Variants in CELF2 observed in about 807,000 individuals in gnomAD.
The protein encoded by CELF2 is CUGBP Elav-like family member 2.
A neutral mutation model predicts 62.6 loss-of-function variants in CELF2; 8 were observed. The ratio of observed to expected loss-of-function variants is 0.13; its 90% CI spans 0.07 to 0.23. The LOEUF (loss-of-function observed/expected upper bound fraction) is 0.23. Ranked by LOEUF, CELF2 falls within the 10% of genes least tolerant of loss-of-function variation. CELF2 has a pLI of 1.00. For synonymous variants in CELF2, 258 were observed against 250.0 expected, an observed-to-expected ratio of 1.03 and a Z score of -0.30; for missense variants, 333 against 671.0, an observed-to-expected ratio of 0.50 and a Z score of 5.56.
the CELF2 span, among the ~76,000 whole-genome samples, chr10:10,614,479 C>T: frequency 1.3e-5 from 2 of 152,088 alleles, no homozygotes; most frequent in Non-Finnish European, 2.9e-5. Flanking sequence ...CGGCAAATGG[C>T]TCCATTTAAA....
At chr10:10,775,018 A>AG in the CELF2 span, among the ~76,000 whole-genome samples, 1 of 152,012 alleles carries the variant, frequency 6.6e-6, no homozygotes, top group Non-Finnish European at 1.5e-5. Context: ...AGCTGGGATC[A>AG]CAGGTGTTCA....
the CELF2 span, among the ~76,000 whole-genome samples, chr10:10,559,122 A>C: frequency 2.6e-5 from 4 of 152,282 alleles, no homozygotes; most frequent in South Asian, 2.1e-4. Flanking sequence ...TACACTTTTC[A>C]TTGAGGGCAC....
At chr10:10,776,641 G>T in the CELF2 span, 1 of 167,814 alleles carries the variant, frequency 6.0e-6, no homozygotes. Context: ...TCACTTCACT[G>T]TGGGCCACCC....
At chr10:10,759,567 G>T in the CELF2 span, among the ~76,000 whole-genome samples, 8 of 151,586 alleles carry the variant, frequency 5.3e-5, no homozygotes, top group Non-Finnish European at 1.2e-4. Context: ...CCTCGGCCTC[G>T]CAAAGTGCTG....
At chr10:11,001,381 A>G (rs1251708940), upstream of CELF2, among the ~76,000 whole-genome samples, 1 of 152,242 alleles carries the variant, frequency 6.6e-6, no homozygotes, top group Non-Finnish European at 1.5e-5. Flanking sequence ...CATATTTTGT[A>G]TTAACACTTC....
At chr10:11,031,481 G>A (rs2060105171) in intron 1 of CELF2, among the ~76,000 whole-genome samples, 1 of 152,182 alleles carries the variant, frequency 6.6e-6, no homozygotes, top group Admixed American at 6.5e-5. Context: ...CCAATGTAAA[G>A]GAAGGGATAA....
At chr10:10,570,516 A>G in the CELF2 span, among the ~76,000 whole-genome samples, 6 of 152,174 alleles carry the variant, frequency 3.9e-5, no homozygotes, top group African/African-American at 1.4e-4. Flanking sequence ...CAATTTTAAA[A>G]GATTACTAAA....
chr10:10,593,063 A>G, the CELF2 span, among the ~76,000 whole-genome samples: 2 of 152,192 alleles, frequency 1.3e-5, no homozygotes, highest in African/African-American at 2.4e-5. Context: ...AGGGCTCAAC[A>G]TGAGCAAAAG....
chr10:11,168,331 T>G (rs2067836936), intron 2 of CELF2, among the ~76,000 whole-genome samples: 2 of 152,178 alleles, frequency 1.3e-5, no homozygotes, highest in African/African-American at 4.8e-5. Flanking sequence ...GAAAGAGCTT[T>G]TGTTATACAG....
At chr10:10,605,924 G>C in the CELF2 span, among the ~76,000 whole-genome samples, 1 of 152,202 alleles carries the variant, frequency 6.6e-6, no homozygotes, top group African/African-American at 2.4e-5. Context: ...GAGCCAAGAA[G>C]CATTTGCATC....
chr10:10,658,771 A>G, the CELF2 span, among the ~76,000 whole-genome samples: 111 of 151,720 alleles, frequency 7.3e-4, no homozygotes, highest in Middle Eastern at 0.014. Flanking sequence ...AGTATTCAAC[A>G]TTTTAACTGG....
At chr10:10,483,963 C>T in the CELF2 span, among the ~76,000 whole-genome samples, 1 of 141,464 alleles carries the variant, frequency 7.1e-6, no homozygotes, top group African/African-American at 2.7e-5. Flanking sequence ...TCTCTCTCTC[C>T]CATCTCTCTC....
the CELF2 span, among the ~76,000 whole-genome samples, chr10:10,554,632 T>C: frequency 3.3e-5 from 5 of 152,158 alleles, no homozygotes; most frequent in African/African-American, 1.2e-4. Flanking sequence ...TGGCTGATGG[T>C]CCCAGGTGCA....
chr10:11,209,419 A>C (rs1183061335), intron 2 of CELF2, among the ~76,000 whole-genome samples: 1 of 151,802 alleles, frequency 6.6e-6, no homozygotes, highest in East Asian at 1.9e-4. Context: ...ATTTTGGGCT[A>C]AAAAAAGGGC....
chr10:10,615,470 C>T, the CELF2 span, among the ~76,000 whole-genome samples: 619 of 152,162 alleles, frequency 4.1e-3, 1 homozygote, highest in Non-Finnish European at 5.7e-3. Context: ...CACATTTCTG[C>T]GCTTTGTGGT....
intron 7 of CELF2, among the ~76,000 whole-genome samples, chr10:11,273,037 CCCCTCTTCCCCG>C (rs2084428890): frequency 6.6e-6 from 1 of 152,118 alleles, no homozygotes; most frequent in Non-Finnish European, 1.5e-5. Context: ...GCTTTCCCAC[CCCCTCTTCCCCG>C]CTCTCTTCCT....
At chr10:10,707,135 T>A in the CELF2 span, among the ~76,000 whole-genome samples, 5 of 152,214 alleles carry the variant, frequency 3.3e-5, no homozygotes, top group East Asian at 9.6e-4. Context: ...GGCTTAAATA[T>A]TCAAATTCAT....
At position 11,319,469 on chromosome 10, in the gene CELF2, T is replaced by G. The variant is rs1178534644; in HGVS notation, c.1097-1720T>G. On this transcript the variant is annotated intron_variant, in intron 10 of 12. Coordinates refer to ENST00000633077, the MANE Select transcript of CELF2 (RefSeq NM_001326342.2). The surrounding 1 kb of genome is among the most constrained non-coding windows in gnomAD (Gnocchi z 4.4). ...ATTTGCTGGTGTCCGAGGGATCATTTAGGGTAATTAGGACAGTCTGCATCC... is the reference window on the plus strand; with the variant it reads ...ATTTGCTGGTGTCCGAGGGATCATTGAGGGTAATTAGGACAGTCTGCATCC... Among the ~76,000 whole-genome samples the G allele has an allele frequency of 2.0e-5, 3 of 152,128 alleles. No individual in the cohort carries two copies. The highest frequency in any genetic ancestry group is 4.4e-5 in the Non-Finnish European group (3 of 68,010).
Position 10,834,228 on chromosome 10 carries a change from G to A in CELF2, c.53+35411G>A, listed in dbSNP as rs181535001. Among the ~76,000 whole-genome samples, 180 of 152,250 alleles carry A rather than the reference G, an allele frequency of 1.2e-3. 1 individual carries two copies. Among genetic ancestry groups the A allele is most frequent in the South Asian group, 2.1e-3 (10 of 4,824 alleles). On this transcript the variant is annotated intron_variant, in intron 1 of 13. Coordinates refer to the CELF2 transcript ENST00000636488. ...TCAGGAACAGAAAACCAAATACTGCGTGTTCTCACGTATAAGTGGGAGCTA... is the reference window on the plus strand; with the variant it reads ...TCAGGAACAGAAAACCAAATACTGCATGTTCTCACGTATAAGTGGGAGCTA...
Sources: gnomAD v4.1 joint callset for allele counts (sites outside exome capture counted in the v4.1 genomes callset) on GRCh38, gnomAD v4.1.1 for gene constraint, Gnocchi (gnomAD v3.1) non-coding constraint, MANE v1.5 for transcripts, NCBI Gene and HGNC (gene_info 2026-07-23, HGNC 2026-07-21) for gene names.